CAP2: variants seen among roughly 807,000 people sequenced by gnomAD.
CAP2 encodes cyclase associated actin cytoskeleton regulatory protein 2, also known as adenylyl cyclase-associated protein 2.
In CAP2, 24 loss-of-function variants were observed where a neutral mutation model predicts 57.7. The ratio of observed to expected loss-of-function variants is 0.42; its 90% CI spans 0.30 to 0.58. CAP2 has a LOEUF of 0.58. Among genes scored for constraint, CAP2 ranks in the 20% least tolerant of loss-of-function variants. CAP2 has a pLI of 0.22. For synonymous variants in CAP2, 194 were observed against 207.2 expected (o/e 0.94, Z 0.55); for missense variants, 501 against 590.3 (o/e 0.85, Z 1.57).
At chr6:17,509,310 T>G (rs1398970382) in intron 6 of CAP2, among the ~76,000 whole-genome samples, 1 of 152,076 alleles carries the variant, frequency 6.6e-6, no homozygotes, top group African/African-American at 2.4e-5. Context: ...ACACGAGATG[T>G]TAAGGATTAC....
intron 3 of CAP2, among the ~76,000 whole-genome samples, chr6:17,440,614 G>GTGTGTGTGTGTGTGTGTGT (rs1554122866): frequency 1.4e-5 from 2 of 141,594 alleles, no homozygotes; most frequent in Admixed American, 7.0e-5. Context: ...AACTGTGTGT[G>GTGTGTGTGTGTGTGTGTGT]GTGTGTGTGT....
chr6:17,479,084 G>A (rs2113619254), intron 4 of CAP2, among the ~76,000 whole-genome samples: 1 of 152,270 alleles, frequency 6.6e-6, no homozygotes, highest in African/African-American at 2.4e-5. Flanking sequence ...CCATGGTGGG[G>A]TCCGTCACTC....
intron 7 of CAP2, chr6:17,536,121 C>A: frequency 2.2e-6 from 1 of 447,554 alleles, no homozygotes; most frequent in South Asian, 1.6e-5. Context: ...CCGCGCCCAG[C>A]CTTCTCTCTG....
intron 7 of CAP2, among the ~76,000 whole-genome samples, chr6:17,528,393 TC>T (rs376241087): frequency 9.8e-5 from 15 of 152,352 alleles, no homozygotes; most frequent in African/African-American, 3.4e-4. Context: ...CACATGTTAT[TC>T]CCAGGCTGTT....
intron 3 of CAP2, among the ~76,000 whole-genome samples, chr6:17,438,253 C>T (rs370140145): frequency 5.9e-4 from 89 of 150,792 alleles, no homozygotes; most frequent in East Asian, 1.8e-3. Context: ...GTAATCCCAG[C>T]TACTCGGGAG....
At chr6:17,397,086 G>A (rs956491822) in intron 1 of CAP2, among the ~76,000 whole-genome samples, 3 of 152,112 alleles carry the variant, frequency 2.0e-5, no homozygotes, top group Non-Finnish European at 2.9e-5. Context: ...TTGAGATGGA[G>A]TCTCTCTCTG....
At chr6:17,542,582 C>G (rs1762931348) in intron 9 of CAP2, among the ~76,000 whole-genome samples, 1 of 152,202 alleles carries the variant, frequency 6.6e-6, no homozygotes, top group African/African-American at 2.4e-5. Flanking sequence ...CACATCCCTG[C>G]TCCAGCCTCC....
intron 1 of CAP2, among the ~76,000 whole-genome samples, chr6:17,406,085 C>T (rs183275178): frequency 4.6e-5 from 7 of 152,112 alleles, no homozygotes; most frequent in African/African-American, 1.7e-4. Flanking sequence ...GCCTTTGGGA[C>T]CGTCCCACAC....
chr6:17,540,839 G>A, intron 8 of CAP2, 134 bp from the exon 9 acceptor site: 1 of 744,458 alleles, frequency 1.3e-6, no homozygotes, highest in Non-Finnish European at 2.2e-6. Context: ...CTGACTTGGA[G>A]AAAGCACTAG....
At chr6:17,537,216 ACT>A (rs1303286584) in intron 7 of CAP2, among the ~76,000 whole-genome samples, 1 of 151,982 alleles carries the variant, frequency 6.6e-6, no homozygotes, top group African/African-American at 2.4e-5. Context: ...ACAGGGTCTC[ACT>A]CTCTGTTTTC....
intron 4 of CAP2, among the ~76,000 whole-genome samples, chr6:17,469,625 C>T (rs1399684737): frequency 6.6e-6 from 1 of 152,112 alleles, no homozygotes; most frequent in African/African-American, 2.4e-5. Context: ...CGCGTTTCTA[C>T]TATCCTCCCT....
chr6:17,416,064 G>T (rs1257117074), intron 1 of CAP2, among the ~76,000 whole-genome samples: 1 of 151,372 alleles, frequency 6.6e-6, no homozygotes, highest in Non-Finnish European at 1.5e-5. Flanking sequence ...TGTTCAGAGG[G>T]AAAATATGTG....
chr6:17,436,377 C>T (rs1759888481), intron 3 of CAP2, among the ~76,000 whole-genome samples: 1 of 152,184 alleles, frequency 6.6e-6, no homozygotes, highest in African/African-American at 2.4e-5. Context: ...AAGTGGTCCA[C>T]CCGCCTTGGC....
rs959738841 is a variant in CAP2 at position 17,412,017 on chromosome 6, C to G, written c.-1-9538C>G. Among the ~76,000 whole-genome samples the G allele has an allele frequency of 3.9e-5, 6 of 152,158 alleles. No homozygotes were observed. The South Asian group carries it at 8.3e-4, about 21-fold the overall frequency. ...AGCTAAGCGAGCTTCCACTCCATGACAGGGGAGTAGTATATGGTTTATCCT... is the reference window on the plus strand; with the variant it reads ...AGCTAAGCGAGCTTCCACTCCATGAGAGGGGAGTAGTATATGGTTTATCCT... On this transcript the variant is annotated intron_variant, in intron 1 of 12. Transcript: ENST00000229922.
Position 17,539,322 on chromosome 6 carries a change from C to T in CAP2, c.690C>T (p.Gly230=). 1 of 1,614,028 alleles carries T rather than the reference C, an allele frequency of 6.2e-7. No individual in the cohort carries two copies. Among genetic ancestry groups the T allele is most frequent in the Non-Finnish European group, 8.5e-7 (1 of 1,179,916 alleles). The part of the protein sequence containing the change: ...SAFSVLSSGP[G]LPPPPPPLPP... ...TTTCTGTCCTCTCCTCTGGGCCTGGCCTTCCTCCACCCCCTCCTCCTCTGC... is the reference window on the plus strand; with the variant it reads ...TTTCTGTCCTCTCCTCTGGGCCTGGTCTTCCTCCACCCCCTCCTCCTCTGC... Residue 230 remains glycine, a synonymous_variant, in exon 8 of 13, where the codon GGC becomes GGT. Coordinates refer to ENST00000229922, the MANE Select transcript of CAP2 (RefSeq NM_006366.3).
At chr6:17,524,074 CA>C (rs10523029) in intron 7 of CAP2, among the ~76,000 whole-genome samples, 17,796 of 116,784 alleles carry the variant, frequency 0.15, 1,065 homozygotes, top group African/African-American at 0.31. Context: ...GACTCTGTCT[CA>C]AAAAAAAAAA....
chr6:17,532,544 G>C (rs1222512379), intron 7 of CAP2, among the ~76,000 whole-genome samples: 1 of 149,546 alleles, frequency 6.7e-6, no homozygotes, highest in Admixed American at 6.7e-5. Flanking sequence ...CCAGGGGTTT[G>C]AGACCAGTCT....
chr6:17,485,491 A>C (rs1471167525), intron 4 of CAP2, among the ~76,000 whole-genome samples: 2 of 152,158 alleles, frequency 1.3e-5, no homozygotes, highest in African/African-American at 4.8e-5. Flanking sequence ...AACGACAGGA[A>C]TGGTGACTTT....
chr6:17,548,247 G>A (rs555728991), intron 11 of CAP2, among the ~76,000 whole-genome samples: 15 of 151,784 alleles, frequency 9.9e-5, no homozygotes, highest in African/African-American at 3.6e-4. Flanking sequence ...GGCGCCTGTA[G>A]TCTCAGCTAC....
Sources: gnomAD v4.1 joint callset for allele counts (sites outside exome capture counted in the v4.1 genomes callset) on GRCh38, gnomAD v4.1.1 for gene constraint, MANE v1.5 for transcripts, NCBI Gene and HGNC (gene_info 2026-07-23, HGNC 2026-07-21) for gene names.